NRG3: variants seen among roughly 807,000 people sequenced by gnomAD.
NRG3 encodes the protein neuregulin 3, also known as pro-neuregulin-3, membrane-bound isoform.
A neutral mutation model predicts 66.9 loss-of-function variants in NRG3; 31 were observed. The ratio of observed to expected loss-of-function variants is 0.46; its 90% CI spans 0.35 to 0.63. NRG3 has a LOEUF of 0.63. Among genes scored for constraint, NRG3 ranks in the 20% least tolerant of loss-of-function variants. The pLI is 0.00. For synonymous variants in NRG3, 393 were observed against 359.4 expected, an observed-to-expected ratio of 1.09 and a Z score of -1.06; for missense variants, 910 against 878.9, an observed-to-expected ratio of 1.04 and a Z score of -0.45.
intron 2 of NRG3, among the ~76,000 whole-genome samples, chr10:82,628,637 A>G (rs1004969504): frequency 6.6e-6 from 1 of 152,096 alleles, no homozygotes; most frequent in Non-Finnish European, 1.5e-5. Flanking sequence ...GCGGTTCCAC[A>G]TACACACTCT....
intron 1 of NRG3, among the ~76,000 whole-genome samples, chr10:82,325,800 T>C (rs1160976485): frequency 6.6e-6 from 1 of 152,152 alleles, no homozygotes; most frequent in Non-Finnish European, 1.5e-5. Flanking sequence ...TTCACTTCTC[T>C]CTCCCCTCCT....
At chr10:82,357,121 G>A (rs1305658657) in intron 1 of NRG3, among the ~76,000 whole-genome samples, 1 of 152,214 alleles carries the variant, frequency 6.6e-6, no homozygotes, top group Non-Finnish European at 1.5e-5. Flanking sequence ...AAAGAATGAA[G>A]GTCTGGGAAG....
intron 1 of NRG3, among the ~76,000 whole-genome samples, chr10:82,240,653 G>C (rs2076968026): frequency 6.6e-6 from 1 of 152,116 alleles, no homozygotes; most frequent in South Asian, 2.1e-4. Flanking sequence ...TGATTATGTA[G>C]TTCATTCCAG....
intron 1 of NRG3, among the ~76,000 whole-genome samples, chr10:81,982,899 TTAACA>T (rs1240343844): frequency 9.2e-5 from 14 of 152,338 alleles, no homozygotes; most frequent in Non-Finnish European, 1.8e-4. Flanking sequence ...CAATTTGAGC[TTAACA>T]TAATGATGAA....
chr10:82,576,268 C>T (rs1250056948), intron 2 of NRG3, among the ~76,000 whole-genome samples: 1 of 151,468 alleles, frequency 6.6e-6, no homozygotes, highest in Non-Finnish European at 1.5e-5. Flanking sequence ...GGATGCAATC[C>T]TGGGACACCT....
chr10:81,980,891 T>C (rs1485407409), intron 1 of NRG3, among the ~76,000 whole-genome samples: 1 of 152,188 alleles, frequency 6.6e-6, no homozygotes, highest in Non-Finnish European at 1.5e-5. Context: ...TGTGTCCATA[T>C]TTCTTATAAA....
At chr10:82,614,577 T>C (rs528898481) in intron 2 of NRG3, among the ~76,000 whole-genome samples, 3 of 152,284 alleles carry the variant, frequency 2.0e-5, no homozygotes, top group Non-Finnish European at 2.9e-5. Flanking sequence ...TTATTAATGA[T>C]TTTTTTAACA....
At chr10:82,203,143 A>C (rs2074933383) in intron 1 of NRG3, among the ~76,000 whole-genome samples, 1 of 152,162 alleles carries the variant, frequency 6.6e-6, no homozygotes, top group African/African-American at 2.4e-5. Flanking sequence ...GGATTATAGA[A>C]AAGAGTGAAG....
At chr10:82,284,304 A>C (rs1365317534) in intron 1 of NRG3, among the ~76,000 whole-genome samples, 1 of 152,238 alleles carries the variant, frequency 6.6e-6, no homozygotes, top group Non-Finnish European at 1.5e-5. Context: ...TAAACATCTT[A>C]GTTTAATCAA....
At chr10:82,437,773 G>A (rs1330740057) in intron 2 of NRG3, among the ~76,000 whole-genome samples, 1 of 152,084 alleles carries the variant, frequency 6.6e-6, no homozygotes, top group Admixed American at 6.6e-5. Flanking sequence ...GCTTTCTTCT[G>A]GTTTGTTGTT....
At chr10:82,918,095 T>A (rs1846058643) in intron 4 of NRG3, among the ~76,000 whole-genome samples, 1 of 151,706 alleles carries the variant, frequency 6.6e-6, no homozygotes, top group African/African-American at 2.4e-5. Flanking sequence ...AGCAAGAAAC[T>A]GAAAGTTGAC....
intron 1 of NRG3, among the ~76,000 whole-genome samples, chr10:82,207,690 A>G (rs10786964): frequency 0.5 from 76,524 of 152,024 alleles, 20,358 homozygotes; most frequent in Middle Eastern, 0.6. Flanking sequence ...GAAACACACA[A>G]TCATGGCGAA....
chr10:82,890,437 A>G (rs1376612717), intron 4 of NRG3, among the ~76,000 whole-genome samples: 1 of 152,162 alleles, frequency 6.6e-6, no homozygotes, highest in African/African-American at 2.4e-5. Flanking sequence ...TTAGCATTGT[A>G]TCACCCGAAC....
In NRG3 at chr10:82,782,127, T is replaced by C. The variant is rs2060141456; in HGVS notation, c.1027+43477T>C. 2.0e-5 allele frequency among the ~76,000 whole-genome samples: 3 copies of C among 152,192 alleles called. No homozygotes were observed. In the South Asian group the frequency reaches 6.2e-4, roughly 32 times the overall value. On this transcript the variant is annotated intron_variant, in intron 3 of 8. Transcript: ENST00000372141. ...CTTCTTCAGTACTATGGTTTGAATTTATCCCCAAAATTCATGTGTTGGTAA... is the reference window on the plus strand; with the variant it reads ...CTTCTTCAGTACTATGGTTTGAATTCATCCCCAAAATTCATGTGTTGGTAA...
chr10:82,283,538 A>T (rs1564746849), intron 1 of NRG3, among the ~76,000 whole-genome samples: 1 of 152,176 alleles, frequency 6.6e-6, no homozygotes, highest in Admixed American at 6.5e-5. Context: ...TAGGGTAGGA[A>T]ATCTCTAGCT....
chr10:82,834,877 C>T (rs150083097), intron 3 of NRG3, among the ~76,000 whole-genome samples: 1 of 152,326 alleles, frequency 6.6e-6, no homozygotes, highest in East Asian at 1.9e-4. Context: ...AGCCACTCCT[C>T]ACATTATGAG....
At chr10:82,073,706 CAT>C (rs2064933518) in intron 1 of NRG3, among the ~76,000 whole-genome samples, 1 of 152,124 alleles carries the variant, frequency 6.6e-6, no homozygotes, top group South Asian at 2.1e-4. Context: ...TATTTGTCCT[CAT>C]TTTTTACTAT....
chr10:81,987,841 A>G (rs1300715091), intron 1 of NRG3, among the ~76,000 whole-genome samples: 2 of 152,210 alleles, frequency 1.3e-5, no homozygotes. Context: ...TGTTTGTTTT[A>G]TTAAAGGAAG....
At chr10:82,072,865 C>T (rs2064885723) in intron 1 of NRG3, among the ~76,000 whole-genome samples, 1 of 152,102 alleles carries the variant, frequency 6.6e-6, no homozygotes, top group Non-Finnish European at 1.5e-5. Context: ...CTCCTGGGCT[C>T]AAGTGAGCCT....
Sources: gnomAD v4.1 joint callset for allele counts (sites outside exome capture counted in the v4.1 genomes callset) on GRCh38, gnomAD v4.1.1 for gene constraint, MANE v1.5 for transcripts, NCBI Gene and HGNC (gene_info 2026-07-23, HGNC 2026-07-21) for gene names.